Variants in ASNS observed in about 807,000 individuals in gnomAD.
ASNS encodes the protein asparagine synthetase (glutamine-hydrolyzing), also known as asparagine synthetase [glutamine-hydrolyzing].
A neutral mutation model predicts 62.6 loss-of-function variants in ASNS; 37 were observed. The ratio of observed to expected loss-of-function variants is 0.59; its 90% confidence interval spans 0.45 to 0.78. The LOEUF is 0.78. Among genes scored for constraint, ASNS ranks in the 30% least tolerant of loss-of-function variants. ASNS has a pLI of 0.00. For missense variants in ASNS, 520 were observed against 682.4 expected (o/e 0.76, Z 2.65); for synonymous variants, 207 against 237.9 (o/e 0.87, Z 1.19).
chr7:97,926,472 C>T, the ASNS span, among the ~76,000 whole-genome samples: 6 of 152,182 alleles, frequency 3.9e-5, no homozygotes, highest in African/African-American at 1.2e-4. Context: ...GAAACAGGCT[C>T]TCCTCCTCAA....
At chr7:97,924,398 G>A in the ASNS span, among the ~76,000 whole-genome samples, 38 of 152,328 alleles carry the variant, frequency 2.5e-4, no homozygotes, top group African/African-American at 9.1e-4. Flanking sequence ...GACACACCAC[G>A]TTCCAGTGGG....
chr7:97,902,678 G>A, the ASNS span, among the ~76,000 whole-genome samples: 1 of 152,186 alleles, frequency 6.6e-6, no homozygotes, highest in Admixed American at 6.5e-5. Context: ...CCATGATGGT[G>A]CCACTGTGCT....
chr7:97,855,992 C>T (rs1791419202), intron 8 of ASNS, among the ~76,000 whole-genome samples: 1 of 152,190 alleles, frequency 6.6e-6, no homozygotes, highest in South Asian at 2.1e-4. Flanking sequence ...TTTATTATCA[C>T]CTCAGCTAGA....
intron 4 of ASNS, among the ~76,000 whole-genome samples, chr7:97,861,461 A>C (rs1220987439): frequency 2.6e-5 from 4 of 152,202 alleles, no homozygotes; most frequent in Non-Finnish European, 4.4e-5. Flanking sequence ...CTTGTCAAAA[A>C]TAAGTTGATC....
the ASNS span, among the ~76,000 whole-genome samples, chr7:97,902,424 C>T: frequency 1.3e-5 from 2 of 152,114 alleles, no homozygotes; most frequent in African/African-American, 4.8e-5. Flanking sequence ...ACAAACTGAA[C>T]ATACTGGCCA....
chr7:97,920,689 G>A, the ASNS span, among the ~76,000 whole-genome samples: 2 of 152,248 alleles, frequency 1.3e-5, no homozygotes, highest in Non-Finnish European at 1.5e-5. Flanking sequence ...GCAGTTGCCT[G>A]CAAGGAGGGC....
At chr7:97,878,624 C>G in the ASNS span, among the ~76,000 whole-genome samples, 1 of 152,312 alleles carries the variant, frequency 6.6e-6, no homozygotes, top group Admixed American at 6.5e-5. Flanking sequence ...CTACAAACCA[C>G]TGCTCAACGA....
intron 10 of ASNS, among the ~76,000 whole-genome samples, chr7:97,853,845 C>T (rs1383543885): frequency 1.3e-5 from 2 of 152,180 alleles, no homozygotes; most frequent in Admixed American, 1.3e-4. Context: ...CAGTGTCCCA[C>T]TATATTTCAT....
the ASNS span, among the ~76,000 whole-genome samples, chr7:97,911,782 C>T: frequency 9.3e-5 from 14 of 150,562 alleles, no homozygotes; most frequent in African/African-American, 3.0e-4. Flanking sequence ...GGGAGGGAAG[C>T]GTGGGGGAGG....
At chr7:97,919,753 G>A in the ASNS span, among the ~76,000 whole-genome samples, 330 of 152,252 alleles carry the variant, frequency 2.2e-3, 4 homozygotes, top group Admixed American at 0.018. Context: ...GGAAACCAGG[G>A]CACCCCATGC....
chr7:97,873,000 T>C (rs1253588833), upstream of ASNS, among the ~76,000 whole-genome samples: 1 of 152,206 alleles, frequency 6.6e-6, no homozygotes, highest in Admixed American at 6.5e-5. Context: ...AAGGATAGTT[T>C]GAGCCCAGGC....
chr7:97,911,682 A>C, the ASNS span, among the ~76,000 whole-genome samples: 1 of 152,080 alleles, frequency 6.6e-6, no homozygotes, highest in South Asian at 2.1e-4. Flanking sequence ...CCATTTCCCA[A>C]AAAAATGATT....
In ASNS at chr7:97,857,258, C is replaced by T. The variant is rs145008400; in HGVS notation, c.904-442G>A. Among the ~76,000 whole-genome samples the T allele has an allele frequency of 4.3e-3, 650 of 152,188 alleles. 10 individuals carry two copies. The highest frequency in any genetic ancestry group is 0.034 in the Admixed American group (516 of 15,290). On this transcript the variant is annotated intron_variant, in intron 7 of 12. Coordinates refer to ENST00000394308, the MANE Select transcript of ASNS (RefSeq NM_001673.5). The stretch of plus-strand genomic sequence containing the variant: ...TTTCCTTGGCTATTTTGGATTCTCT[C>T]GGCATTGATTACCTTGCACTGAGAC...
the ASNS span, among the ~76,000 whole-genome samples, chr7:97,909,598 G>A: frequency 4.3e-3 from 653 of 152,160 alleles, 7 homozygotes; most frequent in African/African-American, 0.014. Context: ...GTGAGCCACC[G>A]TGCCCAGCCC....
intron 2 of ASNS, among the ~76,000 whole-genome samples, 172 bp from the exon 3 acceptor site, chr7:97,869,351 A>C (rs1023842314): frequency 5.3e-5 from 8 of 152,210 alleles, no homozygotes; most frequent in Non-Finnish European, 5.9e-5. Context: ...AGAATGATTT[A>C]ATTTACTTAC....
At chr7:97,876,828 G>A (rs1247458150), upstream of ASNS, among the ~76,000 whole-genome samples, 1 of 152,130 alleles carries the variant, frequency 6.6e-6, no homozygotes, top group Non-Finnish European at 1.5e-5. Context: ...TGAAGGAACA[G>A]GCTTCTAAAG....
At chr7:97,901,054 C>T in the ASNS span, among the ~76,000 whole-genome samples, 2 of 152,184 alleles carry the variant, frequency 1.3e-5, no homozygotes, top group African/African-American at 4.8e-5. Flanking sequence ...GTATGAAGCA[C>T]AAAACATTTT....
the ASNS span, among the ~76,000 whole-genome samples, chr7:97,924,549 CG>C: frequency 6.6e-6 from 1 of 152,332 alleles, no homozygotes; most frequent in South Asian, 2.1e-4. Flanking sequence ...CACCCTGTCT[CG>C]GACAGCCAGC....
chr7:97,915,009 G>A, the ASNS span, among the ~76,000 whole-genome samples: 3 of 152,190 alleles, frequency 2.0e-5, no homozygotes, highest in Admixed American at 2.0e-4. Context: ...CGGGGGGCAT[G>A]GCAGACCACA....
Sources: gnomAD v4.1 joint callset for allele counts (sites outside exome capture counted in the v4.1 genomes callset) on GRCh38, gnomAD v4.1.1 for gene constraint, MANE v1.5 for transcripts, NCBI Gene and HGNC (gene_info 2026-07-23, HGNC 2026-07-21) for gene names.